LRRC27: variants seen among roughly 807,000 people sequenced by gnomAD.
LRRC27 encodes leucine-rich repeat-containing protein 27.
In LRRC27, 57 loss-of-function variants were observed where a neutral mutation model predicts 55.0. The ratio of observed to expected loss-of-function variants is 1.04; its 90% CI spans 0.84 to 1.29. The LOEUF (loss-of-function observed/expected upper bound fraction) is 1.29, where lower values mean the gene tolerates loss of function less well. Ranked by LOEUF, LRRC27 falls within the 50% of genes most tolerant of loss-of-function variation. The pLI, the probability that LRRC27 is intolerant of heterozygous loss-of-function variation, is 0.00. For synonymous variants in LRRC27, 278 were observed against 251.9 expected (o/e 1.10, Z -0.98); for missense variants, 721 against 651.5 (o/e 1.11, Z -1.16).
chr10:132,363,755 C>T (rs1158943242), intron 9 of LRRC27, among the ~76,000 whole-genome samples: 3 of 152,152 alleles, frequency 2.0e-5, no homozygotes, highest in Non-Finnish European at 4.4e-5. Flanking sequence ...CAGGGGGCTC[C>T]CCACTCAGTT....
chr10:132,349,563 G>A (rs2067904957), intron 6 of LRRC27, among the ~76,000 whole-genome samples: 1 of 152,208 alleles, frequency 6.6e-6, no homozygotes, highest in African/African-American at 2.4e-5. Flanking sequence ...CTGCTGCTTA[G>A]AAACCTCTTT....
chr10:132,368,057 C>G (rs773372513), intron 10 of LRRC27, among the ~76,000 whole-genome samples: 5 of 152,094 alleles, frequency 3.3e-5, no homozygotes, highest in Non-Finnish European at 7.4e-5. Context: ...TTCCTGTGTA[C>G]CAGCAATTAA....
chr10:132,344,476 G>GT (rs745378262), intron 4 of LRRC27, 22 bp from the exon 5 acceptor site: 1,139 of 1,554,224 alleles, frequency 7.3e-4, no homozygotes, highest in South Asian at 1.7e-3. Context: ...AATGCTGACA[G>GT]TTTTTTTTTC....
At chr10:132,336,891 C>T (rs2067159964) in intron 2 of LRRC27, 1 of 694,838 alleles carries the variant, frequency 1.4e-6, no homozygotes, top group Admixed American at 2.5e-5. Context: ...GATCCTTCCA[C>T]ACTGTGACTG....
Position 132,375,252 on chromosome 10 carries a change from G to A in LRRC27, c.*10G>A. ...TCGCAGATACCAGTGACACCAGGTG[G>A]CTGGACTGATGGAGACGTCTTCAGA... On this transcript the variant is annotated 3_prime_UTR_variant, in exon 11 of 11. Coordinates refer to ENST00000368614, the MANE Select transcript of LRRC27 (RefSeq NM_030626.3). 6.2e-7 allele frequency: 1 copy of A among 1,607,896 alleles called. No homozygotes were observed. Among genetic ancestry groups the A allele is most frequent in the Non-Finnish European group, 8.5e-7 (1 of 1,176,014 alleles).
intron 7 of LRRC27, among the ~76,000 whole-genome samples, chr10:132,352,070 CGCAGGTGCAGCGCTCCGTGTGGGGCAGAT>C (rs2068050708): frequency 1.8e-4 from 12 of 67,458 alleles, no homozygotes; most frequent in East Asian, 5.8e-4. Context: ...GTGGGGCAGG[CGCAGGTGCAGCGCTCCGTGTGGGGCAGAT>C]GCTGAGGCCT....
At chr10:132,346,461 G>A (rs940883669) in intron 5 of LRRC27, among the ~76,000 whole-genome samples, 49 of 152,282 alleles carry the variant, frequency 3.2e-4, no homozygotes, top group African/African-American at 1.1e-3. Context: ...CGGATCACGA[G>A]GTCAGGAGAT....
intron 10 of LRRC27, among the ~76,000 whole-genome samples, chr10:132,367,795 A>G (rs1213937572): frequency 1.3e-5 from 2 of 152,260 alleles, no homozygotes; most frequent in African/African-American, 4.8e-5. Context: ...CACTAAGATC[A>G]GGAGCAAGGC....
Position 132,348,735 on chromosome 10 carries a change from T to C in LRRC27, c.926+379T>C, listed in dbSNP as rs1223040196. ...GAACAGTAAAAGTGGGGGCAGGCAG[T>C]GAGCCAAGTGGGCACATTCTTGTGA... is the stretch of plus-strand genomic sequence containing the variant. On this transcript the variant is annotated intron_variant, in intron 6 of 10. Coordinates refer to ENST00000368614, the MANE Select transcript of LRRC27 (RefSeq NM_030626.3). The surrounding 1 kb of genome is among the most constrained non-coding windows in gnomAD (Gnocchi z 4.2). Among the ~76,000 whole-genome samples the C allele has an allele frequency of 6.6e-6, 1 of 152,236 alleles. No individual in the cohort carries two copies. The highest frequency in any genetic ancestry group is 2.4e-5 in the African/African-American group (1 of 41,454).
intron 6 of LRRC27, chr10:132,350,890 C>G (rs2132933089): frequency 6.6e-6 from 1 of 152,374 alleles, no homozygotes; most frequent in South Asian, 2.1e-4. Context: ...GAGCCCCTAT[C>G]TCCAGCCTGG....
chr10:132,351,917 C>T (rs560442679), intron 7 of LRRC27, among the ~76,000 whole-genome samples, 164 bp downstream of exon 7: 9 of 152,374 alleles, frequency 5.9e-5, no homozygotes, highest in Non-Finnish European at 1.2e-4. Context: ...CCGAGCTGCA[C>T]GTGCCCCTTG....
At chr10:132,331,897 C>G, upstream of LRRC27, 1 of 960,210 alleles carries the variant, frequency 1.0e-6, no homozygotes. Flanking sequence ...CCCTGCCACC[C>G]CCGCGCAGGC....
At chr10:132,341,446 C>T (rs1052706842) in intron 3 of LRRC27, among the ~76,000 whole-genome samples, 1 of 152,134 alleles carries the variant, frequency 6.6e-6, no homozygotes, top group Non-Finnish European at 1.5e-5. Context: ...ATAAAAGTTA[C>T]AAAATAGAGT....
At chr10:132,358,352 T>A (rs1239848931) in intron 8 of LRRC27, among the ~76,000 whole-genome samples, 5 of 96,220 alleles carry the variant, frequency 5.2e-5, no homozygotes, top group Non-Finnish European at 8.5e-5. Context: ...GGAGCCGAGG[T>A]GGTGGAGCAG....
intron 9 of LRRC27, among the ~76,000 whole-genome samples, chr10:132,364,790 A>G (rs1259724498): frequency 4.4e-5 from 5 of 112,404 alleles, no homozygotes; most frequent in Admixed American, 8.2e-5. Flanking sequence ...CCACGCCCAC[A>G]CTCACACCCA....
At chr10:132,340,178 T>G (rs1359615928) in intron 3 of LRRC27, among the ~76,000 whole-genome samples, 1 of 152,246 alleles carries the variant, frequency 6.6e-6, no homozygotes, top group Non-Finnish European at 1.5e-5. Context: ...CGTTTATATA[T>G]TCATTTTAAA....
At chr10:132,355,333 A>T (rs916105846) in intron 7 of LRRC27, among the ~76,000 whole-genome samples, 2 of 152,142 alleles carry the variant, frequency 1.3e-5, no homozygotes, top group Non-Finnish European at 2.9e-5. Context: ...CCTTGGCCAG[A>T]TGCCTGTTTT....
At chr10:132,345,185 A>G (rs1010601687) in intron 5 of LRRC27, among the ~76,000 whole-genome samples, 1 of 152,236 alleles carries the variant, frequency 6.6e-6, no homozygotes, top group Non-Finnish European at 1.5e-5. Context: ...CATTGTAGTT[A>G]CACTTGGAAA....
intron 10 of LRRC27, among the ~76,000 whole-genome samples, chr10:132,371,795 G>A (rs936027007): frequency 6.6e-6 from 1 of 152,232 alleles, no homozygotes; most frequent in African/African-American, 2.4e-5. Flanking sequence ...GCCGGAGCAG[G>A]GGCAGCCACC....
Sources: allele counts gnomAD v4.1 joint callset (sites outside exome capture counted in the v4.1 genomes callset), GRCh38; gene constraint gnomAD v4.1.1; non-coding constraint Gnocchi (gnomAD v3.1); transcripts MANE v1.5; gene names NCBI Gene and HGNC (gene_info 2026-07-23, HGNC 2026-07-21).